Variants in TLN2 observed in about 807,000 individuals in gnomAD.
The protein encoded by TLN2 is talin-2.
Under a neutral mutation model 294.7 loss-of-function variants are expected in TLN2, and 118 were observed. The ratio of observed to expected loss-of-function variants is 0.40; its 90% CI spans 0.34 to 0.47. The LOEUF (loss-of-function observed/expected upper bound fraction) is 0.47. Among genes scored for constraint, TLN2 ranks in the 20% least tolerant of loss-of-function variants. TLN2 has a pLI of 0.84. For missense variants in TLN2, 3,083 were observed against 3,282.2 expected (o/e 0.94, Z 1.48); for synonymous variants, 1,431 against 1,304.5 (o/e 1.10, Z -2.09).
chr15:62,830,903 C>T (rs2068763594), intron 54 of TLN2: 1 of 152,140 alleles, frequency 6.6e-6, no homozygotes, highest in East Asian at 1.9e-4. Flanking sequence ...TCTGCCGTAT[C>T]TGTTTTAAAG....
intron 3 of TLN2, among the ~76,000 whole-genome samples, chr15:62,619,513 C>A (rs1356830027): frequency 6.6e-6 from 1 of 152,184 alleles, no homozygotes; most frequent in Non-Finnish European, 1.5e-5. Flanking sequence ...AATAGTGTGA[C>A]CCACCTGCCC....
intron 1 of TLN2, among the ~76,000 whole-genome samples, chr15:62,493,746 G>T (rs773728660): frequency 1.3e-5 from 2 of 152,012 alleles, no homozygotes; most frequent in Admixed American, 6.6e-5. Context: ...GAGTAGCTGG[G>T]ACCACAGGCA....
At chr15:62,720,200 A>G (rs2060042754) in intron 25 of TLN2, among the ~76,000 whole-genome samples, 1 of 152,240 alleles carries the variant, frequency 6.6e-6, no homozygotes, top group Non-Finnish European at 1.5e-5. Flanking sequence ...AGGACTAGGC[A>G]TTGCTTTAGG....
chr15:62,752,720 T>A (rs1391604977), intron 35 of TLN2, among the ~76,000 whole-genome samples: 1 of 152,194 alleles, frequency 6.6e-6, no homozygotes, highest in African/African-American at 2.4e-5. Flanking sequence ...GATGAGTTGT[T>A]TGGGGTAGAA....
At chr15:62,524,451 G>A (rs892569710) in intron 1 of TLN2, among the ~76,000 whole-genome samples, 13 of 152,180 alleles carry the variant, frequency 8.5e-5, no homozygotes, top group African/African-American at 2.4e-4. Context: ...ACAGCGTGCT[G>A]TAGAGAGAAG....
chr15:62,607,776 T>C (rs977408984), intron 2 of TLN2, among the ~76,000 whole-genome samples: 1 of 152,158 alleles, frequency 6.6e-6, no homozygotes, highest in African/African-American at 2.4e-5. Context: ...TGTGTATGTA[T>C]GCACATACAC....
intron 1 of TLN2, among the ~76,000 whole-genome samples, chr15:62,564,176 G>C (rs1368506907): frequency 6.6e-6 from 1 of 152,174 alleles, no homozygotes; most frequent in Non-Finnish European, 1.5e-5. Context: ...AGGGAATGGA[G>C]ACTCAGAATC....
At chr15:62,579,212 C>A (rs1461464526) in intron 1 of TLN2, among the ~76,000 whole-genome samples, 3 of 152,050 alleles carry the variant, frequency 2.0e-5, no homozygotes, top group African/African-American at 7.2e-5. Flanking sequence ...AATCACTGGC[C>A]ATGTGAGGAA....
At chr15:62,544,712 T>A (rs2140531694) in intron 1 of TLN2, among the ~76,000 whole-genome samples, 1 of 149,562 alleles carries the variant, frequency 6.7e-6, no homozygotes, top group Non-Finnish European at 1.5e-5. Flanking sequence ...TAAAAGCAAG[T>A]GGGAGTAGAA....
intron 37 of TLN2, among the ~76,000 whole-genome samples, chr15:62,760,099 G>A (rs916782437): frequency 1.3e-5 from 2 of 152,146 alleles, no homozygotes; most frequent in African/African-American, 2.4e-5. Flanking sequence ...AGAAGTAGCC[G>A]GCGTGCAAGG....
At chr15:62,737,116 T>C (rs1228638983) in intron 29 of TLN2, 30 bp downstream of exon 29, 1 of 1,610,946 alleles carries the variant, frequency 6.2e-7, no homozygotes, top group African/African-American at 1.3e-5. Context: ...ATTGTGGTTG[T>C]CATGGTCATC....
At chr15:62,818,613 G>A (rs1831489260) in intron 52 of TLN2, among the ~76,000 whole-genome samples, 1 of 152,156 alleles carries the variant, frequency 6.6e-6, no homozygotes, top group Non-Finnish European at 1.5e-5. Flanking sequence ...TAATTCAAAA[G>A]AGAGGGCAAA....
chr15:62,789,696 A>G (rs1468514406), intron 45 of TLN2, among the ~76,000 whole-genome samples: 6 of 152,148 alleles, frequency 3.9e-5, no homozygotes, highest in Non-Finnish European at 5.9e-5. Flanking sequence ...GCATTTTGCA[A>G]ATAGAAAGCT....
At chr15:62,467,207 A>G (rs886239461) in intron 1 of TLN2, among the ~76,000 whole-genome samples, 2 of 152,196 alleles carry the variant, frequency 1.3e-5, no homozygotes, top group African/African-American at 4.8e-5. Flanking sequence ...CCTGCCTCCA[A>G]GTCTTTTGGT....
At chr15:62,658,484 T>C (rs943380107) in intron 9 of TLN2, among the ~76,000 whole-genome samples, 1 of 152,154 alleles carries the variant, frequency 6.6e-6, no homozygotes. Context: ...CTGGCCAATA[T>C]GCTGTTTGGT....
At chr15:62,793,740 T>C (rs2065247507) in intron 46 of TLN2, among the ~76,000 whole-genome samples, 1 of 151,942 alleles carries the variant, frequency 6.6e-6, no homozygotes, top group Non-Finnish European at 1.5e-5. Flanking sequence ...TGCAGGCTGC[T>C]TGAGGTACAG....
At chr15:62,458,454 T>C (rs2036606971) in intron 1 of TLN2, among the ~76,000 whole-genome samples, 1 of 152,078 alleles carries the variant, frequency 6.6e-6, no homozygotes, top group Non-Finnish European at 1.5e-5. Context: ...AATAAAGAGA[T>C]GTTGCTGGTT....
At chr15:62,423,496 G>T (rs149140046) in intron 1 of TLN2, among the ~76,000 whole-genome samples, 1,825 of 152,236 alleles carry the variant, frequency 0.012, 36 homozygotes, top group African/African-American at 0.042. Context: ...GCAAATGTGC[G>T]TGAACATATG....
chr15:62,547,927 T>C lies in TLN2; in HGVS notation c.-237-41760T>C, dbSNP rs114291759. Among the ~76,000 whole-genome samples, 551 of 152,304 alleles carry C rather than the reference T, an allele frequency of 3.6e-3. 7 individuals carry two copies. The highest frequency in any genetic ancestry group is 0.013 in the African/African-American group (522 of 41,560). Reference sequence around the variant, plus strand: ...ATTAAGAAGGAGTGACTGGCAGTGATCAGGAGGTCTAAATCGCATTTTGCA... The same window carrying C: ...ATTAAGAAGGAGTGACTGGCAGTGACCAGGAGGTCTAAATCGCATTTTGCA... On this transcript the variant is annotated intron_variant, in intron 1 of 58. Transcript: ENST00000636159.
Sources: gnomAD v4.1 joint callset for allele counts (sites outside exome capture counted in the v4.1 genomes callset) on GRCh38, gnomAD v4.1.1 for gene constraint, MANE v1.5 for transcripts, NCBI Gene and HGNC (gene_info 2026-07-23, HGNC 2026-07-21) for gene names.